Variants in CMSS1 observed in about 807,000 individuals in gnomAD.
CMSS1 encodes the protein protein CMSS1.
In CMSS1, 33 loss-of-function variants were observed where a neutral mutation model predicts 43.5. The observed-to-expected ratio is 0.76, with a 90% CI of 0.57 to 1.01. CMSS1 has a LOEUF of 1.01. Ranked by LOEUF, CMSS1 falls within the 50% of genes least tolerant of loss-of-function variation. The probability of loss-of-function intolerance (pLI) is 0.00; values close to 1 mark genes in which losing one functional copy is unlikely to be tolerated. For missense variants in CMSS1, 313 were observed against 326.4 expected, an observed-to-expected ratio of 0.96 and a Z score of 0.32; for synonymous variants, 115 against 117.2, an observed-to-expected ratio of 0.98 and a Z score of 0.12.
intron 1 of CMSS1, among the ~76,000 whole-genome samples, chr3:99,932,359 A>C (rs1243953484): frequency 6.6e-6 from 1 of 152,082 alleles, no homozygotes; most frequent in African/African-American, 2.4e-5. Context: ...TTGCTTTTTC[A>C]TCCTAGATTA....
At chr3:99,976,299 C>G (rs575170008) in intron 1 of CMSS1, among the ~76,000 whole-genome samples, 7 of 152,270 alleles carry the variant, frequency 4.6e-5, no homozygotes, top group African/African-American at 1.7e-4. Context: ...CTACGCGTTC[C>G]TGCTTATAAC....
At chr3:100,050,685 C>G (rs1392078718) in intron 1 of CMSS1, among the ~76,000 whole-genome samples, 2 of 152,144 alleles carry the variant, frequency 1.3e-5, no homozygotes, top group Admixed American at 1.3e-4. Flanking sequence ...TGTGCGCCAC[C>G]TTGCCTGGCT....
intron 1 of CMSS1, among the ~76,000 whole-genome samples, chr3:100,020,760 C>CTTTTTTTTTTTT (rs34665880): frequency 2.8e-5 from 2 of 70,996 alleles, no homozygotes; most frequent in South Asian, 6.8e-4. Context: ...GAATAATTAG[C>CTTTTTTTTTTTT]TTTTTTTTTT....
At chr3:99,953,124 A>G (rs1463592083) in intron 1 of CMSS1, among the ~76,000 whole-genome samples, 1 of 152,218 alleles carries the variant, frequency 6.6e-6, no homozygotes, top group African/African-American at 2.4e-5. Context: ...TTAAAGGTCA[A>G]TGCTATGTAT....
At chr3:100,014,783 A>G (rs1404800501) in intron 1 of CMSS1, among the ~76,000 whole-genome samples, 4 of 142,982 alleles carry the variant, frequency 2.8e-5, no homozygotes, top group African/African-American at 7.8e-5. Context: ...CTCTCATTCC[A>G]TAGGTTGCAT....
intron 1 of CMSS1, among the ~76,000 whole-genome samples, chr3:100,010,778 A>T (rs1348342302): frequency 2.2e-4 from 21 of 93,656 alleles, no homozygotes; most frequent in African/African-American, 2.2e-4. Flanking sequence ...CCACGCCCGG[A>T]TTTTTTTTTT....
At chr3:99,944,154 G>A (rs1707935223) in intron 1 of CMSS1, among the ~76,000 whole-genome samples, 1 of 152,214 alleles carries the variant, frequency 6.6e-6, no homozygotes. Flanking sequence ...ACCAAAGGGA[G>A]GGAGTTCTTC....
At position 100,021,045 on chromosome 3, in the gene CMSS1, G is replaced by A. The variant is rs142582276; in HGVS notation, c.65-125928G>A. Reference sequence around the variant, plus strand: ...CTCGCAAAGTGCTAGGATTACAGGCGTGAGCCACCACGCCTAGCCTAATTT... The same window carrying A: ...CTCGCAAAGTGCTAGGATTACAGGCATGAGCCACCACGCCTAGCCTAATTT... On this transcript the variant is annotated intron_variant, in intron 1 of 9. Transcript: ENST00000421999. 4.8e-3 allele frequency among the ~76,000 whole-genome samples: 726 copies of A among 152,282 alleles called. 7 individuals carry two copies. Among genetic ancestry groups the A allele is most frequent in the African/African-American group, 0.016 (652 of 41,562 alleles).
chr3:99,844,355 A>C (rs929715504), intron 1 of CMSS1, among the ~76,000 whole-genome samples: 1 of 152,172 alleles, frequency 6.6e-6, no homozygotes, highest in Non-Finnish European at 1.5e-5. Flanking sequence ...GCTGATCTAT[A>C]AGAGTTTTGG....
intron 1 of CMSS1, among the ~76,000 whole-genome samples, chr3:100,000,631 C>A (rs1479897176): frequency 1.3e-5 from 2 of 152,186 alleles, no homozygotes; most frequent in African/African-American, 4.8e-5. Context: ...AGGAGGATTG[C>A]TTGGGCCCAG....
intron 1 of CMSS1, among the ~76,000 whole-genome samples, chr3:100,010,861 T>G (rs1418764466): frequency 7.0e-6 from 1 of 143,700 alleles, no homozygotes; most frequent in African/African-American, 2.6e-5. Context: ...ACTCCTGACC[T>G]CATGATCCGC....
At chr3:100,151,434 C>T (rs1157695130) in intron 2 of CMSS1, among the ~76,000 whole-genome samples, 2 of 152,164 alleles carry the variant, frequency 1.3e-5, no homozygotes, top group African/African-American at 4.8e-5. Flanking sequence ...GTTTACCTTG[C>T]AGCTCACTGG....
chr3:100,029,509 A>G (rs1160278098), intron 1 of CMSS1, among the ~76,000 whole-genome samples: 3 of 152,210 alleles, frequency 2.0e-5, no homozygotes, highest in Non-Finnish European at 2.9e-5. Context: ...CTAAAAATAT[A>G]GCCTATATAT....
chr3:100,120,929 C>T (rs879415005), intron 1 of CMSS1, among the ~76,000 whole-genome samples: 5 of 152,236 alleles, frequency 3.3e-5, no homozygotes, highest in South Asian at 4.2e-4. Flanking sequence ...GCCCTTGCAG[C>T]TGCCCCGTGC....
chr3:99,972,036 A>G (rs531381029), intron 1 of CMSS1, among the ~76,000 whole-genome samples: 1 of 152,330 alleles, frequency 6.6e-6, no homozygotes, highest in Admixed American at 6.5e-5. Flanking sequence ...AGTATCTATA[A>G]TATAGTTTGA....
Position 99,818,080 on chromosome 3 carries a change from C to T in CMSS1, c.64+37C>T, listed in dbSNP as rs1320134530. 2.5e-6 allele frequency: 4 copies of T among 1,598,762 alleles called. No individual in the cohort carries two copies. In the African/African-American group the frequency reaches 5.4e-5, roughly 21 times the overall value. ...GTGCCCGCGCTCCTACGGGGCCTCT[C>T]CCGGAGCCCTTCCGTGCGCCTCAGC... On this transcript the variant is annotated intron_variant, in intron 1 of 9. Coordinates refer to ENST00000421999, the MANE Select transcript of CMSS1 (RefSeq NM_032359.4).
chr3:99,963,459 T>C (rs1436606631), intron 1 of CMSS1, among the ~76,000 whole-genome samples: 2 of 152,118 alleles, frequency 1.3e-5, no homozygotes, highest in African/African-American at 4.8e-5. Context: ...ACGGTCTCTG[T>C]GGGTCCAAAA....
At chr3:99,988,719 T>C (rs1395322087) in intron 1 of CMSS1, among the ~76,000 whole-genome samples, 1 of 152,088 alleles carries the variant, frequency 6.6e-6, no homozygotes, top group Non-Finnish European at 1.5e-5. Flanking sequence ...CCTTTAAACA[T>C]AAAAAAAGCA....
At chr3:100,097,254 C>T (rs1166574750) in intron 1 of CMSS1, among the ~76,000 whole-genome samples, 2 of 152,194 alleles carry the variant, frequency 1.3e-5, no homozygotes, top group African/African-American at 4.8e-5. Context: ...CCATCCCATC[C>T]GTGGAAAAAT....
Sources: allele counts gnomAD v4.1 joint callset (sites outside exome capture counted in the v4.1 genomes callset), GRCh38; gene constraint gnomAD v4.1.1; transcripts MANE v1.5; gene names NCBI Gene and HGNC (gene_info 2026-07-23, HGNC 2026-07-21).